The following KLRF1 variants were observed in gnomAD, a reference collection of about 807,000 sequenced individuals.
KLRF1 encodes killer cell lectin-like receptor subfamily F member 1.
Under a neutral mutation model 30.7 loss-of-function variants are expected in KLRF1, and 27 were observed. That is an observed-to-expected ratio of 0.88 (90% CI 0.65 to 1.21). The LOEUF (loss-of-function observed/expected upper bound fraction) is 1.21, where lower values mean the gene tolerates loss of function less well. Ranked by LOEUF, KLRF1 falls within the 50% of genes most tolerant of loss-of-function variation. The probability of loss-of-function intolerance (pLI) is 0.00; values close to 1 mark genes in which losing one functional copy is unlikely to be tolerated. For synonymous variants in KLRF1, 92 were observed against 89.3 expected (o/e 1.03, Z -0.17); for missense variants, 246 against 259.3 (o/e 0.95, Z 0.35).
the KLRF1 span, among the ~76,000 whole-genome samples, chr12:9,816,152 C>T: frequency 6.6e-6 from 1 of 152,186 alleles, no homozygotes; most frequent in South Asian, 2.1e-4. Flanking sequence ...GCTTCAATGA[C>T]TGCGGAGCCC....
the KLRF1 span, among the ~76,000 whole-genome samples, chr12:9,809,633 T>C: frequency 6.6e-6 from 1 of 152,128 alleles, no homozygotes; most frequent in African/African-American, 2.4e-5. Context: ...ATACCAATTC[T>C]TGAAAGAAGC....
At chr12:9,818,838 C>T in the KLRF1 span, among the ~76,000 whole-genome samples, 11 of 152,152 alleles carry the variant, frequency 7.2e-5, no homozygotes. Context: ...CAACTAGAAG[C>T]AGCTAGTGTG....
chr12:9,841,779 T>C, intron 3 of KLRF1, 33 bp from the exon 4 acceptor site: 1 of 1,555,326 alleles, frequency 6.4e-7, no homozygotes, highest in Non-Finnish European at 8.7e-7. Context: ...ATATGTAATT[T>C]AATTTCATTT....
At chr12:9,838,188 C>A (rs1372325117) in intron 3 of KLRF1, among the ~76,000 whole-genome samples, 1 of 152,092 alleles carries the variant, frequency 6.6e-6, no homozygotes, top group African/African-American at 2.4e-5. Flanking sequence ...GGTGAGCATG[C>A]AAGCAGGCCT....
the KLRF1 span, among the ~76,000 whole-genome samples, chr12:9,801,841 T>C: frequency 3.3e-5 from 5 of 152,154 alleles, no homozygotes; most frequent in Non-Finnish European, 7.4e-5. Context: ...GTGCAGAAGC[T>C]CTTTAGTTTA....
chr12:9,819,988 G>A, the KLRF1 span, among the ~76,000 whole-genome samples: 11 of 151,328 alleles, frequency 7.3e-5, no homozygotes, highest in African/African-American at 1.2e-4. Flanking sequence ...ACTTTTGGGC[G>A]TTGGAGAGTC....
At chr12:9,809,620 T>C in the KLRF1 span, among the ~76,000 whole-genome samples, 6 of 152,286 alleles carry the variant, frequency 3.9e-5, no homozygotes, top group African/African-American at 1.4e-4. Flanking sequence ...GAAGGCAGAA[T>C]TGATACCAAT....
chr12:9,802,286 A>G, the KLRF1 span, among the ~76,000 whole-genome samples: 7 of 152,092 alleles, frequency 4.6e-5, no homozygotes, highest in Admixed American at 2.0e-4. Flanking sequence ...AAAATTCAAC[A>G]TCCCTTCATG....
At chr12:9,801,768 A>G in the KLRF1 span, among the ~76,000 whole-genome samples, 2 of 151,908 alleles carry the variant, frequency 1.3e-5, no homozygotes, top group Non-Finnish European at 2.9e-5. Flanking sequence ...AGATGGGTAG[A>G]TTGCAAATAT....
chr12:9,830,380 T>C (rs1867387384), intron 1 of KLRF1, among the ~76,000 whole-genome samples: 1 of 152,134 alleles, frequency 6.6e-6, no homozygotes, highest in African/African-American at 2.4e-5. Flanking sequence ...CTTCTTTTTC[T>C]AATATTTCTA....
chr12:9,803,074 C>T, the KLRF1 span, among the ~76,000 whole-genome samples: 1 of 152,090 alleles, frequency 6.6e-6, no homozygotes. Context: ...TGCAAGGCTA[C>T]AGTAACCAAA....
At chr12:9,815,549 A>G in the KLRF1 span, among the ~76,000 whole-genome samples, 1 of 152,230 alleles carries the variant, frequency 6.6e-6, no homozygotes, top group Admixed American at 6.5e-5. Context: ...TACGCACTCC[A>G]TCTTTCTTTT....
At chr12:9,842,228 T>C (rs1300814042) in intron 4 of KLRF1, 93 bp from the exon 5 acceptor site, 5 of 1,346,128 alleles carry the variant, frequency 3.7e-6, no homozygotes, top group East Asian at 4.8e-5. Flanking sequence ...AGAATCCCTA[T>C]GCAGAGTGCT....
the KLRF1 span, among the ~76,000 whole-genome samples, chr12:9,817,163 G>T: frequency 6.6e-6 from 1 of 152,182 alleles, no homozygotes; most frequent in Admixed American, 6.5e-5. Context: ...AGAGCCCCTT[G>T]TTAAGGTCAA....
At chr12:9,835,517 C>G (rs1375237869) in intron 3 of KLRF1, among the ~76,000 whole-genome samples, 1 of 151,966 alleles carries the variant, frequency 6.6e-6, no homozygotes, top group East Asian at 1.9e-4. Flanking sequence ...GGAGGAGGGT[C>G]TGATGAGCAA....
the KLRF1 span, among the ~76,000 whole-genome samples, chr12:9,804,405 T>C: frequency 6.6e-6 from 1 of 152,044 alleles, no homozygotes; most frequent in Non-Finnish European, 1.5e-5. Flanking sequence ...ACTTTTTTGA[T>C]AGTATTATGT....
the KLRF1 span, among the ~76,000 whole-genome samples, chr12:9,807,044 A>G: frequency 6.2e-5 from 9 of 144,416 alleles, no homozygotes; most frequent in African/African-American, 2.4e-4. Context: ...TCCTAGTTTA[A>G]CTTTAATTTC....
At chr12:9,841,003 T>C (rs770712194) in intron 3 of KLRF1, among the ~76,000 whole-genome samples, 81 of 152,254 alleles carry the variant, frequency 5.3e-4, no homozygotes, top group African/African-American at 1.9e-3. Flanking sequence ...TGCATGTGTA[T>C]GTTCATTGCA....
intron 3 of KLRF1, among the ~76,000 whole-genome samples, chr12:9,837,220 C>G (rs887155316): frequency 6.6e-6 from 1 of 151,924 alleles, no homozygotes; most frequent in Non-Finnish European, 1.5e-5. Flanking sequence ...CAATATTTGG[C>G]CTTGGGCTTC....
Sources: gnomAD v4.1 joint callset for allele counts (sites outside exome capture counted in the v4.1 genomes callset) on GRCh38, gnomAD v4.1.1 for gene constraint, MANE v1.5 for transcripts, NCBI Gene and HGNC (gene_info 2026-07-23, HGNC 2026-07-21) for gene names.